The following RBM33 variants were observed in gnomAD, a reference collection of about 807,000 sequenced individuals.
The protein encoded by RBM33 is RNA-binding protein 33.
Under a neutral mutation model 132.6 loss-of-function variants are expected in RBM33, and 28 were observed. The ratio of observed to expected loss-of-function variants is 0.21; its 90% CI spans 0.16 to 0.29. The LOEUF (loss-of-function observed/expected upper bound fraction) is 0.29. Among genes scored for constraint, RBM33 ranks in the 10% least tolerant of loss-of-function variants. The pLI is 1.00. For missense variants in RBM33, 1,291 were observed against 1,518.5 expected (o/e 0.85, Z 2.49); for synonymous variants, 634 against 593.0 (o/e 1.07, Z -1.01).
chr7:155,738,354 C>T lies in RBM33; in HGVS notation c.1688C>T (p.Pro563Leu), dbSNP rs996333665. The T allele has an allele frequency of 6.2e-7, 1 of 1,613,826 alleles. No individual in the cohort carries two copies. The highest frequency in any genetic ancestry group is 8.5e-7 in the Non-Finnish European group (1 of 1,179,860). The change falls in exon 11 of 18, where the codon CCA becomes CTA. Residue 563 changes from proline (P) to leucine (L), a missense_variant. Transcript: ENST00000401878. ...ATTCCTCCTAGACAGCCGTTCCTGC[C>T]AGGCCCAGGACAGCCGTTTCTGCCC... ...PFIPPRQPFL[P>L]GPGQPFLPTH...
At chr7:155,683,112 G>A (rs565414190) in intron 5 of RBM33, among the ~76,000 whole-genome samples, 7 of 152,122 alleles carry the variant, frequency 4.6e-5, no homozygotes, top group Non-Finnish European at 1.0e-4. Context: ...TGTGAGCAAT[G>A]TCAGTTCATC....
chr7:155,675,634 G>T (rs1337958769), intron 3 of RBM33, among the ~76,000 whole-genome samples: 1 of 152,060 alleles, frequency 6.6e-6, no homozygotes, highest in African/African-American at 2.4e-5. Context: ...TCCTGTTTAC[G>T]CACTCACTCC....
At chr7:155,732,902 A>G (rs529435927) in intron 9 of RBM33, among the ~76,000 whole-genome samples, 1 of 152,248 alleles carries the variant, frequency 6.6e-6, no homozygotes, top group South Asian at 2.1e-4. Context: ...AATAAAACAA[A>G]AGCTTTTAGT....
intron 16 of RBM33, among the ~76,000 whole-genome samples, chr7:155,773,686 TGA>T (rs1802513132): frequency 6.6e-6 from 1 of 151,576 alleles, no homozygotes; most frequent in Admixed American, 6.6e-5. Flanking sequence ...TCTAGAGCTT[TGA>T]GTTGCTTGAG....
rs1286335429 is a variant in RBM33 at position 155,775,178 on chromosome 7, C to T, written c.*137C>T. The stretch of plus-strand genomic sequence containing the variant: ...CCTGCGTAACTGTTCTCCAGAGCGC[C>T]AGCCAGCCACGGGCCTGATTCCAGA... On this transcript the variant is annotated 3_prime_UTR_variant, in exon 18 of 18. Coordinates refer to ENST00000401878, the MANE Select transcript of RBM33 (RefSeq NM_053043.3). 1 of 792,208 alleles carries T rather than the reference C, an allele frequency of 1.3e-6. No homozygotes were observed. Among genetic ancestry groups the T allele is most frequent in the Admixed American group, 2.0e-5 (1 of 50,530 alleles). 49.1% of individuals were successfully genotyped at this position (792,208 alleles called of 1,614,324 possible). A position where few individuals can be genotyped will look rare whatever the true frequency, so the allele number is the denominator to read the frequency against.
At chr7:155,694,228 G>C (rs1023193555) in intron 5 of RBM33, among the ~76,000 whole-genome samples, 2 of 151,940 alleles carry the variant, frequency 1.3e-5, no homozygotes, top group African/African-American at 4.8e-5. Flanking sequence ...GTTCTTCCTT[G>C]GTTCATATAG....
intron 13 of RBM33, among the ~76,000 whole-genome samples, chr7:155,742,342 T>C (rs1212328129): frequency 6.6e-6 from 1 of 151,874 alleles, no homozygotes. Context: ...TTATACAGAA[T>C]TGATATATAC....
chr7:155,741,290 C>T (rs1801326268), intron 12 of RBM33, among the ~76,000 whole-genome samples: 1 of 151,642 alleles, frequency 6.6e-6, no homozygotes, highest in South Asian at 2.1e-4. Context: ...CTTAAGAATC[C>T]CCAGGATGAA....
chr7:155,774,540 G>A lies in RBM33; in HGVS notation c.3376-19G>A. 6.3e-7 allele frequency: 1 copy of A among 1,575,992 alleles called. No homozygotes were observed. The highest frequency in any genetic ancestry group is 8.7e-7 in the Non-Finnish European group (1 of 1,145,212). On this transcript the variant is annotated intron_variant, in intron 16 of 17. Transcript: ENST00000401878. The surrounding 1 kb of genome is among the most constrained non-coding windows in gnomAD (Gnocchi z 4.2). ...TGTCATTTACAACTGATCTTAAAGTGTTTGTTTTCTTCCTCTAGAGTTTAC... is the reference window on the plus strand; with the variant it reads ...TGTCATTTACAACTGATCTTAAAGTATTTGTTTTCTTCCTCTAGAGTTTAC...
rs903504818 is a variant in RBM33, at chr7:155,776,492, C to T, written c.*1451C>T. The T allele has an allele frequency of 1.4e-4, 22 of 152,254 alleles. No homozygotes were observed. The highest frequency in any genetic ancestry group is 1.1e-3 in the Admixed American group (17 of 15,284). 9.4% of individuals were successfully genotyped at this position (152,254 alleles called of 1,614,324 possible). On this transcript the variant is annotated 3_prime_UTR_variant, in exon 18 of 18. Transcript: ENST00000401878. The surrounding 1 kb of genome is among the most constrained non-coding windows in gnomAD (Gnocchi z 4.0). ...TTTCCACAGTTGACGTTTTATATTA[C>T]TTTCTCAAATTAAGTTACCAAAACA...
chr7:155,678,585 A>G (rs1258621764), intron 3 of RBM33, 23 bp from the exon 4 acceptor site: 9 of 1,388,620 alleles, frequency 6.5e-6, no homozygotes, highest in South Asian at 1.3e-5. Flanking sequence ...ACACACATTA[A>G]TTATATTTCT....
At chr7:155,679,005 C>G (rs1281914963) in intron 4 of RBM33, among the ~76,000 whole-genome samples, 1 of 152,024 alleles carries the variant, frequency 6.6e-6, no homozygotes, top group Non-Finnish European at 1.5e-5. Flanking sequence ...AACCCTGTCT[C>G]TACTAAAAAT....
chr7:155,686,512 G>T (rs57264345), intron 5 of RBM33, among the ~76,000 whole-genome samples: 4,382 of 151,652 alleles, frequency 0.029, 207 homozygotes, highest in African/African-American at 0.1. Flanking sequence ...TAAGTTCTAG[G>T]GTACATGTGC....
chr7:155,687,888 A>G (rs537887048), intron 5 of RBM33, among the ~76,000 whole-genome samples: 3 of 152,294 alleles, frequency 2.0e-5, no homozygotes, highest in African/African-American at 7.2e-5. Flanking sequence ...GCCTTGTAGT[A>G]TAGTTTGAAG....
intron 6 of RBM33, 24 bp from the exon 7 acceptor site, chr7:155,706,836 A>G: frequency 6.4e-7 from 1 of 1,570,050 alleles, no homozygotes; most frequent in Non-Finnish European, 8.7e-7. Context: ...AAAGTAACTA[A>G]CACATACACA....
At position 155,737,434 on chromosome 7, in the gene RBM33, T is replaced by G. The variant is rs1008017505; in HGVS notation, c.1261-96T>G. 2.3e-6 allele frequency: 3 copies of G among 1,321,246 alleles called. No homozygotes were observed. In the African/African-American group the frequency reaches 4.5e-5, roughly 20 times the overall value. 81.8% of individuals were successfully genotyped at this position (1,321,246 alleles called of 1,614,324 possible). A position where few individuals can be genotyped will look rare whatever the true frequency, so the allele number is the denominator to read the frequency against. On this transcript the variant is annotated intron_variant, in intron 9 of 17. Coordinates refer to ENST00000401878, the MANE Select transcript of RBM33 (RefSeq NM_053043.3). ...TTAGGAGACACGTTACTTGACATTT[T>G]TGAGGAAAACTTGGAACCAGGTCTA...
Position 155,678,696 on chromosome 7 carries a change from T to TA in RBM33, c.248+13dup. The stretch of plus-strand genomic sequence containing the variant: ...GAAGAAAATTTCAGGTACTCAATAT[T>TA]ACCTCATTATAAATGTTCTTTATTT... On this transcript the variant is annotated intron_variant, in intron 4 of 17. Coordinates refer to ENST00000401878, the MANE Select transcript of RBM33 (RefSeq NM_053043.3). The TA allele has an allele frequency of 7.6e-7, 1 of 1,321,866 alleles. No individual in the cohort carries two copies. The highest frequency in any genetic ancestry group is 1.3e-5 in the South Asian group (1 of 77,434). The allele number at this position is 1,321,866 out of a possible 1,614,324, so 81.9% of individuals were successfully genotyped here.
chr7:155,725,111 A>G (rs1318005485), intron 9 of RBM33, among the ~76,000 whole-genome samples: 1 of 150,632 alleles, frequency 6.6e-6, no homozygotes, highest in Non-Finnish European at 1.5e-5. Context: ...GCATTCACAG[A>G]TGAGATTTAA....
At chr7:155,690,273 T>C (rs1416336282) in intron 5 of RBM33, among the ~76,000 whole-genome samples, 4 of 152,222 alleles carry the variant, frequency 2.6e-5, no homozygotes, top group African/African-American at 9.6e-5. Flanking sequence ...ATCTGTTTTA[T>C]CAGAGAGTAG....
Sources: allele counts gnomAD v4.1 joint callset (sites outside exome capture counted in the v4.1 genomes callset), GRCh38; gene constraint gnomAD v4.1.1; non-coding constraint Gnocchi (gnomAD v3.1); transcripts MANE v1.5; gene names NCBI Gene and HGNC (gene_info 2026-07-23, HGNC 2026-07-21).